TENM2: variants seen among roughly 807,000 people sequenced by gnomAD.
TENM2 encodes the protein teneurin-2.
In TENM2, 52 loss-of-function variants were observed where a neutral mutation model predicts 245.2. The observed-to-expected ratio is 0.21, with a 90% CI of 0.17 to 0.27. TENM2 has a LOEUF of 0.27. Ranked by LOEUF, TENM2 falls within the 10% of genes least tolerant of loss-of-function variation. TENM2 has a pLI of 1.00. For synonymous variants in TENM2, 1,363 were observed against 1,438.9 expected (o/e 0.95, Z 1.19); for missense variants, 3,046 against 3,666.8 (o/e 0.83, Z 4.37).
At chr5:168,062,702 G>T (rs1428393631) in intron 7 of TENM2, among the ~76,000 whole-genome samples, 1 of 152,146 alleles carries the variant, frequency 6.6e-6, no homozygotes, top group Non-Finnish European at 1.5e-5. Flanking sequence ...GAAAGGAATG[G>T]AGTATTGTTA....
At chr5:167,058,483 G>T in the TENM2 span, among the ~76,000 whole-genome samples, 2 of 152,296 alleles carry the variant, frequency 1.3e-5, no homozygotes, top group South Asian at 4.1e-4. Flanking sequence ...TTTTGGCAAG[G>T]TATGATGGCT....
chr5:167,575,415 A>G (rs1048553030), intron 2 of TENM2, among the ~76,000 whole-genome samples: 5 of 148,162 alleles, frequency 3.4e-5, no homozygotes, highest in African/African-American at 1.2e-4. Context: ...AAGGGAGGAT[A>G]TTTTATGTAT....
intron 1 of TENM2, among the ~76,000 whole-genome samples, chr5:167,334,361 C>G (rs1179537389): frequency 6.6e-6 from 1 of 152,126 alleles, no homozygotes; most frequent in Non-Finnish European, 1.5e-5. Flanking sequence ...TTAAAATATG[C>G]CTTCAATGTT....
chr5:167,338,752 T>C (rs1033621691), intron 1 of TENM2, among the ~76,000 whole-genome samples: 2 of 152,172 alleles, frequency 1.3e-5, no homozygotes, highest in African/African-American at 4.8e-5. Context: ...AATTTATTTG[T>C]TCACAGTTCT....
chr5:167,126,836 G>A, the TENM2 span, among the ~76,000 whole-genome samples: 1 of 152,124 alleles, frequency 6.6e-6, no homozygotes, highest in Non-Finnish European at 1.5e-5. Context: ...TGGGATGTTG[G>A]GCTTACTAAG....
At chr5:167,332,402 A>G (rs925154221) in intron 1 of TENM2, among the ~76,000 whole-genome samples, 11 of 151,990 alleles carry the variant, frequency 7.2e-5, no homozygotes, top group Non-Finnish European at 1.3e-4. Flanking sequence ...GTGCCTCTGA[A>G]CTACAGTTGG....
intron 9 of TENM2, among the ~76,000 whole-genome samples, chr5:168,115,404 G>GGAAA (rs1794997601): frequency 1.1e-5 from 1 of 91,664 alleles, no homozygotes; most frequent in South Asian, 3.7e-4. Flanking sequence ...AAGGAAGGAA[G>GGAAA]GAAGGGAAAG....
At position 167,755,121 on chromosome 5, in the gene TENM2, T is replaced by C. The variant is rs772982310; in HGVS notation, c.503-120865T>C. Reference sequence around the variant, plus strand: ...ATTGAATGCAAGCCAGATCATCTCTTATGGAGACCCGGCAGTACCTCACCT... The same window carrying C: ...ATTGAATGCAAGCCAGATCATCTCTCATGGAGACCCGGCAGTACCTCACCT... On this transcript the variant is annotated intron_variant, in intron 2 of 28. Transcript: ENST00000518659. 5 of 1,599,130 alleles carry C rather than the reference T, an allele frequency of 3.1e-6. No individual in the cohort carries two copies. The South Asian group carries it at 3.3e-5, about 11-fold the overall frequency.
At chr5:167,027,008 G>A in the TENM2 span, among the ~76,000 whole-genome samples, 11 of 152,146 alleles carry the variant, frequency 7.2e-5, no homozygotes, top group South Asian at 2.1e-4. Flanking sequence ...AACAGATACC[G>A]CTTATCAACT....
chr5:167,724,510 A>G (rs1759853825), intron 2 of TENM2, among the ~76,000 whole-genome samples: 1 of 151,954 alleles, frequency 6.6e-6, no homozygotes, highest in South Asian at 2.1e-4. Context: ...CCCAACTTTC[A>G]TTCTATTGGG....
intron 9 of TENM2, among the ~76,000 whole-genome samples, chr5:168,099,742 G>A (rs775048546): frequency 6.6e-6 from 1 of 152,194 alleles, no homozygotes. Context: ...TCAAAGATGT[G>A]AGGGTTCCAG....
intron 3 of TENM2, among the ~76,000 whole-genome samples, chr5:167,887,992 G>A (rs905021305): frequency 1.3e-5 from 2 of 152,084 alleles, no homozygotes; most frequent in Admixed American, 6.6e-5. Flanking sequence ...TTCTCCCTGC[G>A]TGTGTCTGTC....
At chr5:168,227,856 T>C in intron 24 of TENM2, 39 bp from the exon 27 acceptor site, 1 of 1,349,498 alleles carries the variant, frequency 7.4e-7, no homozygotes, top group Non-Finnish European at 1.0e-6. Flanking sequence ...GAGCGGATAA[T>C]TTATTTCCCT....
chr5:167,436,337 T>C (rs1764554050), intron 2 of TENM2, among the ~76,000 whole-genome samples: 1 of 152,068 alleles, frequency 6.6e-6, no homozygotes, highest in African/African-American at 2.4e-5. Flanking sequence ...TCCCCCCACC[T>C]CAGCCTCCCA....
At chr5:168,062,012 A>G (rs1790081958) in intron 6 of TENM2, 48 bp from the exon 9 acceptor site, 2 of 1,512,540 alleles carry the variant, frequency 1.3e-6, no homozygotes, top group African/African-American at 2.8e-5. Context: ...AGAGCCAACT[A>G]ATCTATACAC....
chr5:167,086,918 A>AAC, the TENM2 span, among the ~76,000 whole-genome samples: 5 of 109,936 alleles, frequency 4.5e-5, no homozygotes, highest in African/African-American at 2.1e-4. Context: ...AGGAAACTCT[A>AAC]ACACACACAC....
At chr5:167,322,122 G>T (rs376172866) in intron 1 of TENM2, among the ~76,000 whole-genome samples, 1 of 151,774 alleles carries the variant, frequency 6.6e-6, no homozygotes, top group African/African-American at 2.4e-5. Context: ...TTGAGCCACC[G>T]CACCCGGCTG....
At chr5:167,597,599 G>T (rs1165916944) in intron 2 of TENM2, among the ~76,000 whole-genome samples, 3 of 152,180 alleles carry the variant, frequency 2.0e-5, no homozygotes, top group Non-Finnish European at 4.4e-5. Context: ...AGGAGTCAGG[G>T]TGGTGGGGAG....
chr5:167,247,486 C>G, the TENM2 span, among the ~76,000 whole-genome samples: 1 of 151,822 alleles, frequency 6.6e-6, no homozygotes, highest in Non-Finnish European at 1.5e-5. Context: ...AAACAATATC[C>G]CAGTCATCAA....
Sources: gnomAD v4.1 joint callset for allele counts (sites outside exome capture counted in the v4.1 genomes callset) on GRCh38, gnomAD v4.1.1 for gene constraint, MANE v1.5 for transcripts, NCBI Gene and HGNC (gene_info 2026-07-23, HGNC 2026-07-21) for gene names.